FAF2: variants seen among roughly 807,000 people sequenced by gnomAD.
FAF2 encodes the protein Fas associated factor family member 2, also known as FAS-associated factor 2.
Under a neutral mutation model 62.3 loss-of-function variants are expected in FAF2, and 9 were observed. The ratio of observed to expected loss-of-function variants is 0.14; its 90% CI spans 0.09 to 0.25. The LOEUF is 0.25. Ranked by LOEUF, FAF2 falls within the 10% of genes least tolerant of loss-of-function variation. The pLI is 1.00. For synonymous variants in FAF2, 202 were observed against 198.0 expected (o/e 1.02, Z -0.17); for missense variants, 368 against 556.2 (o/e 0.66, Z 3.40).
rs1758877215 is a variant in FAF2, at chr5:176,486,423, A to C, written c.201A>C (p.Arg67=). The C allele has an allele frequency of 6.2e-7, 1 of 1,613,812 alleles. No individual in the cohort carries two copies. Among genetic ancestry groups the C allele is most frequent in the East Asian group, 2.2e-5 (1 of 44,880 alleles). The change falls in exon 3 of 11, where the codon CGA becomes CGC. Residue 67 remains arginine, a synonymous_variant. Coordinates refer to ENST00000261942, the MANE Select transcript of FAF2 (RefSeq NM_014613.3). The part of the protein sequence containing the change: ...VPSVFNPPPS[R]PLQVNTADHR... Reference sequence around the variant, plus strand: ...GTGTTTTCAACCCACCTCCATCACGACCCCTGCAGGTTAATACAGCTGACC... The same window carrying C: ...GTGTTTTCAACCCACCTCCATCACGCCCCCTGCAGGTTAATACAGCTGACC...
Position 176,496,655 on chromosome 5 carries a change from C to T in FAF2, c.831C>T (p.Arg277=), listed in dbSNP as rs373336595. The change falls in exon 8 of 11, where the codon CGC becomes CGT. Residue 277 remains arginine, a synonymous_variant. Transcript: ENST00000261942. ...ACCAGACTTACCTGGTGTCAGAACG[C>T]CTAGAAAGGTACAAGGGAGTTCCCT... The part of the protein sequence containing the change: ...DANQTYLVSE[R]LEREERNQTQ... The T allele has an allele frequency of 1.8e-5, 29 of 1,584,448 alleles. No homozygotes were observed. Among genetic ancestry groups the T allele is most frequent in the East Asian group, 1.2e-4 (5 of 43,458 alleles).
chr5:176,460,280 G>A (rs1390234331), intron 1 of FAF2, among the ~76,000 whole-genome samples: 1 of 151,938 alleles, frequency 6.6e-6, no homozygotes, highest in Non-Finnish European at 1.5e-5. Context: ...TGATAGTTCT[G>A]GTTTTTTTCT....
At chr5:176,465,888 A>G (rs1467797479) in intron 1 of FAF2, among the ~76,000 whole-genome samples, 4 of 152,178 alleles carry the variant, frequency 2.6e-5, no homozygotes, top group Non-Finnish European at 4.4e-5. Context: ...TCAAGTAATA[A>G]TGGGAGGCAT....
At chr5:176,461,260 C>T (rs1442148794) in intron 1 of FAF2, among the ~76,000 whole-genome samples, 1 of 150,864 alleles carries the variant, frequency 6.6e-6, no homozygotes, top group Non-Finnish European at 1.5e-5. Context: ...GCAGTCCACC[C>T]ACCTCGGCCT....
intron 1 of FAF2, among the ~76,000 whole-genome samples, chr5:176,460,225 A>AT (rs1758354644): frequency 6.6e-6 from 1 of 151,952 alleles, no homozygotes; most frequent in Admixed American, 6.6e-5. Flanking sequence ...AGAACGAGTT[A>AT]TTTTCCTTTG....
intron 1 of FAF2, among the ~76,000 whole-genome samples, chr5:176,476,468 A>G (rs1758692209): frequency 2.6e-5 from 4 of 152,144 alleles, no homozygotes; most frequent in Admixed American, 2.6e-4. Context: ...CCCTGCTCTC[A>G]GAGAACTTAC....
intron 2 of FAF2, among the ~76,000 whole-genome samples, chr5:176,482,162 A>G (rs541696536): frequency 2.0e-5 from 3 of 151,110 alleles, no homozygotes; most frequent in East Asian, 1.9e-4. Context: ...AAAAATGTCT[A>G]TTCAAGTCCT....
At chr5:176,469,289 G>A (rs1337475544) in intron 1 of FAF2, among the ~76,000 whole-genome samples, 1 of 152,080 alleles carries the variant, frequency 6.6e-6, no homozygotes, top group Non-Finnish European at 1.5e-5. Flanking sequence ...TATAATTGGA[G>A]TTCTGAAGAA....
At chr5:176,481,714 C>A (rs1294901691) in intron 2 of FAF2, among the ~76,000 whole-genome samples, 4 of 151,928 alleles carry the variant, frequency 2.6e-5, no homozygotes, top group African/African-American at 9.7e-5. Context: ...AGCTGGAGTG[C>A]AGGTTTGATC....
intron 1 of FAF2, among the ~76,000 whole-genome samples, chr5:176,467,319 G>A (rs917706105): frequency 1.3e-5 from 2 of 151,814 alleles, no homozygotes; most frequent in African/African-American, 2.4e-5. Context: ...GATGTCAGTA[G>A]ACTTTTTTTG....
chr5:176,458,408 C>CTTTTTTT (rs751775026), intron 1 of FAF2, among the ~76,000 whole-genome samples: 24,809 of 86,264 alleles, frequency 0.29, 4,950 homozygotes, highest in Non-Finnish European at 0.33. Context: ...CTTTTTCTTC[C>CTTTTTTT]TTTTTTTTTT....
rs780953175 is a variant in FAF2 at position 176,498,968 on chromosome 5, G to A, written c.894G>A (p.Leu298=). 34 of 1,612,890 alleles carry A rather than the reference G, an allele frequency of 2.1e-5. No individual in the cohort carries two copies. The East Asian group carries it at 4.7e-4, about 22-fold the overall frequency. Residue 298 remains leucine, a synonymous_variant, in exon 9 of 11, where the codon CTG becomes CTA. Coordinates refer to ENST00000261942, the MANE Select transcript of FAF2 (RefSeq NM_014613.3). ...VLRQQQDEAY[L]ASLRADQEKE... ...GACAACAGCAGGATGAGGCCTACCTGGCCTCTCTCAGAGCTGACCAGGAGA... is the reference window on the plus strand; with the variant it reads ...GACAACAGCAGGATGAGGCCTACCTAGCCTCTCTCAGAGCTGACCAGGAGA...
At chr5:176,471,775 C>T (rs1415874294) in intron 1 of FAF2, among the ~76,000 whole-genome samples, 3 of 150,780 alleles carry the variant, frequency 2.0e-5, no homozygotes, top group Non-Finnish European at 4.4e-5. Flanking sequence ...CAACCACCTC[C>T]GCCCCCCGGG....
intron 1 of FAF2, among the ~76,000 whole-genome samples, chr5:176,478,520 T>C (rs988989971): frequency 1.3e-5 from 2 of 151,964 alleles, no homozygotes; most frequent in African/African-American, 4.8e-5. Context: ...GTATGTTAGG[T>C]TTTACACAGT....
chr5:176,504,889 G>A (rs1561830110), intron 10 of FAF2, among the ~76,000 whole-genome samples: 1 of 152,152 alleles, frequency 6.6e-6, no homozygotes. Flanking sequence ...CAGGCATGGT[G>A]TTGGACATGT....
chr5:176,500,987 C>T (rs1290921620), intron 10 of FAF2, among the ~76,000 whole-genome samples: 2 of 151,904 alleles, frequency 1.3e-5, no homozygotes, highest in African/African-American at 2.4e-5. Context: ...ATTAGCTGGG[C>T]GTGGTGGCAC....
chr5:176,492,216 C>A lies in FAF2; in HGVS notation c.367C>A (p.Pro123Thr), dbSNP rs570905420. 4.3e-6 allele frequency: 7 copies of A among 1,614,058 alleles called. No individual in the cohort carries two copies. Among genetic ancestry groups the A allele is most frequent in the Non-Finnish European group, 5.9e-6 (7 of 1,180,034 alleles). The part of the protein sequence containing the change: ...IFRFALRFIR[P>T]DPRSRVTDPV... ...CAGGTTTGCTCTTCGTTTTATACGGCCTGACCCTCGCAGCCGGGTCACTGA... is the reference window on the plus strand; with the variant it reads ...CAGGTTTGCTCTTCGTTTTATACGGACTGACCCTCGCAGCCGGGTCACTGA... Residue 123 changes from proline (P) to threonine (T), a missense_variant, in exon 5 of 11, where the codon CCT (proline) becomes ACT (threonine). Transcript: ENST00000261942.
At chr5:176,489,141 G>A in intron 4 of FAF2, 114 bp downstream of exon 4, 2 of 675,508 alleles carry the variant, frequency 3.0e-6, no homozygotes, top group Non-Finnish European at 5.1e-6. Flanking sequence ...GTCATGAGAT[G>A]GAATACACTT....
At chr5:176,451,816 A>G (rs1428554860) in intron 1 of FAF2, among the ~76,000 whole-genome samples, 1 of 7,340 alleles carries the variant, frequency 1.4e-4, no homozygotes, top group African/African-American at 4.5e-4. Context: ...ATATACACAC[A>G]TATATATATA....
Sources: gnomAD v4.1 joint callset for allele counts (sites outside exome capture counted in the v4.1 genomes callset) on GRCh38, gnomAD v4.1.1 for gene constraint, MANE v1.5 for transcripts, NCBI Gene and HGNC (gene_info 2026-07-23, HGNC 2026-07-21) for gene names.